EDEM3: variants seen among roughly 807,000 people sequenced by gnomAD.
The protein encoded by EDEM3 is ER degradation enhancing alpha-mannosidase like protein 3.
Under a neutral mutation model 110.2 loss-of-function variants are expected in EDEM3, and 60 were observed. The observed-to-expected ratio is 0.54, with a 90% CI of 0.44 to 0.67. The LOEUF (loss-of-function observed/expected upper bound fraction) is 0.67. Ranked by LOEUF, EDEM3 falls within the 30% of genes least tolerant of loss-of-function variation. The pLI is 0.00. For missense variants in EDEM3, 996 were observed against 1,121.0 expected (o/e 0.89, Z 1.59); for synonymous variants, 352 against 382.9 (o/e 0.92, Z 0.94).
rs1649041248 is a variant in EDEM3, at chr1:184,691,041, A to T, written c.*3022T>A. 1 of 152,534 alleles carries T rather than the reference A, an allele frequency of 6.6e-6. No homozygotes were observed. The highest frequency in any genetic ancestry group is 1.5e-5 in the Non-Finnish European group (1 of 67,976). 9.4% of individuals were successfully genotyped at this position (152,534 alleles called of 1,614,324 possible). A position where few individuals can be genotyped will look rare whatever the true frequency, so the allele number is the denominator to read the frequency against. On this transcript the variant is annotated 3_prime_UTR_variant, in exon 20 of 20. Transcript: ENST00000318130. ...TCTTGAGAGAGTAATTACATTAGTG[A>T]AGTTAAAATCAGAAAGTGTACAATT...
intron 6 of EDEM3, among the ~76,000 whole-genome samples, chr1:184,727,253 G>A (rs1025657626): frequency 1.3e-5 from 2 of 152,208 alleles, no homozygotes; most frequent in Non-Finnish European, 2.9e-5. Flanking sequence ...TAGCGCCACA[G>A]CACTCCAGCC....
Position 184,712,455 on chromosome 1 carries a change from T to C in EDEM3, c.1514A>G (p.Gln505Arg). The change falls in exon 14 of 20, where the codon CAA (glutamine) becomes CGA (arginine). Residue 505 changes from glutamine (Q) to arginine (R), a missense_variant. By Grantham distance (43) the Gln-to-Arg change is conservative. Coordinates refer to ENST00000318130, the MANE Select transcript of EDEM3 (RefSeq NM_025191.4). ...CACTGTGTTCTTTTTAGAGATGCTT[T>C]GATTTGTAGTAGAGAGCCAAAGAGG... ...LLPLWLSTTN[Q>R]SISKKNTTSE... 6.3e-7 allele frequency: 1 copy of C among 1,593,902 alleles called. No homozygotes were observed. The highest frequency in any genetic ancestry group is 1.2e-5 in the South Asian group (1 of 85,692).
At chr1:184,721,448 A>G in intron 8 of EDEM3, 62 bp from the exon 9 acceptor site, 1 of 1,225,170 alleles carries the variant, frequency 8.2e-7, no homozygotes, top group Non-Finnish European at 1.2e-6. Context: ...TTTTTTTAAA[A>G]AAATAGCACT....
In EDEM3 at chr1:184,715,109, C is replaced by G. The variant is rs76098514; in HGVS notation, c.1370+1779G>C. On this transcript the variant is annotated intron_variant, in intron 13 of 19. Coordinates refer to ENST00000318130, the MANE Select transcript of EDEM3 (RefSeq NM_025191.4). ...TCAGCCTCATAGAACATTAGTGACCCTTTGCCTGAATACAGACAGTTATGG... is the reference window on the plus strand; with the variant it reads ...TCAGCCTCATAGAACATTAGTGACCGTTTGCCTGAATACAGACAGTTATGG... Among the ~76,000 whole-genome samples the G allele has an allele frequency of 2.9e-3, 439 of 152,258 alleles. 10 individuals are homozygous for G. In the East Asian group the frequency reaches 0.07, roughly 24 times the overall value.
intron 2 of EDEM3, among the ~76,000 whole-genome samples, chr1:184,741,787 C>G (rs1167525339): frequency 6.6e-6 from 1 of 152,004 alleles, no homozygotes; most frequent in Non-Finnish European, 1.5e-5. Context: ...TCTGATATTC[C>G]TGGGTTAGGC....
Position 184,737,637 on chromosome 1 carries a change from G to A in EDEM3, c.279C>T (p.Arg93=), listed in dbSNP as rs766444517. Residue 93 remains arginine (R), a synonymous_variant, in exon 3 of 20, where the codon CGC becomes CGT. Coordinates refer to ENST00000318130, the MANE Select transcript of EDEM3 (RefSeq NM_025191.4). The stretch of plus-strand genomic sequence containing the variant: ...TTCCCAAGGCATCATCAACGTCACC[G>A]CGACTTGGCTCTTGGCCTCTAACTC... ...RGRVRGQEPS[R]GDVDDALGKF... 36 of 1,613,804 alleles carry A rather than the reference G, an allele frequency of 2.2e-5. No individual in the cohort carries two copies. The highest frequency in any genetic ancestry group is 1.8e-4 in the South Asian group (16 of 91,080).
chr1:184,719,212 T>C lies in EDEM3; in HGVS notation c.1111A>G (p.Thr371Ala). ...LKGDIRPAIE[T>A]HEMLYQVIKK... ...ATCACCTGATATAACATTTCATGAGTTTCAATAGCAGGTCTAATATCCCCC... is the reference window on the plus strand; with the variant it reads ...ATCACCTGATATAACATTTCATGAGCTTCAATAGCAGGTCTAATATCCCCC... The change falls in exon 11 of 20, where the codon ACT becomes GCT. Residue 371 changes from threonine (T) to alanine (A), a missense_variant. This residue lies in a region of EDEM3 where 310 missense variants were observed against 394.6 expected (regional missense o/e 0.79). Coordinates refer to ENST00000318130, the MANE Select transcript of EDEM3 (RefSeq NM_025191.4). 1 of 1,573,986 alleles carries C rather than the reference T, an allele frequency of 6.4e-7. No individual in the cohort carries two copies. The highest frequency in any genetic ancestry group is 8.6e-7 in the Non-Finnish European group (1 of 1,164,078).
At chr1:184,735,364 C>T (rs986430512) in intron 4 of EDEM3, among the ~76,000 whole-genome samples, 1 of 152,146 alleles carries the variant, frequency 6.6e-6, no homozygotes, top group Non-Finnish European at 1.5e-5. Flanking sequence ...ATTAACCATG[C>T]AGATCTAGAA....
intron 19 of EDEM3, among the ~76,000 whole-genome samples, chr1:184,696,671 C>G (rs2102053798): frequency 6.6e-6 from 1 of 152,030 alleles, no homozygotes; most frequent in East Asian, 1.9e-4. Context: ...TTTAATTAGG[C>G]AATTAGGGAA....
At chr1:184,754,405 C>T (rs1571439631) in intron 1 of EDEM3, 84 bp downstream of exon 1, 2 of 1,588,196 alleles carry the variant, frequency 1.3e-6, no homozygotes, top group East Asian at 2.3e-5. Context: ...GGAGAGGCCA[C>T]TACGCGACCG....
rs551352308 is a variant in EDEM3, at chr1:184,716,384, A to T, written c.1370+504T>A. On this transcript the variant is annotated intron_variant, in intron 13 of 19. Coordinates refer to ENST00000318130, the MANE Select transcript of EDEM3 (RefSeq NM_025191.4). ...ATGTGGAGCACTTTTTATAGCTTGAATACTTCATACCATCTACATCTATCC... is the reference window on the plus strand; with the variant it reads ...ATGTGGAGCACTTTTTATAGCTTGATTACTTCATACCATCTACATCTATCC... Among the ~76,000 whole-genome samples the T allele has an allele frequency of 4.6e-5, 7 of 152,298 alleles. No individual in the cohort carries two copies. In the South Asian group the frequency reaches 1.2e-3, roughly 27 times the overall value.
rs12070538 is a variant in EDEM3 at position 184,711,922 on chromosome 1, C to T, written c.1537-45G>A. On this transcript the variant is annotated intron_variant, in intron 14 of 19. Coordinates refer to ENST00000318130, the MANE Select transcript of EDEM3 (RefSeq NM_025191.4). ...TATGTAAACAGAAATAATTATTTTACTTAACATAATTTTTTTTTTTTTGAA... is the reference window on the plus strand; with the variant it reads ...TATGTAAACAGAAATAATTATTTTATTTAACATAATTTTTTTTTTTTTGAA... 5.4e-6 allele frequency: 8 copies of T among 1,495,180 alleles called. No homozygotes were observed. In the African/African-American group the frequency reaches 5.8e-5, roughly 11 times the overall value. 92.6% of individuals were successfully genotyped at this position (1,495,180 alleles called of 1,614,324 possible).
chr1:184,711,167 T>C (rs1650208631), intron 15 of EDEM3, among the ~76,000 whole-genome samples: 1 of 152,104 alleles, frequency 6.6e-6, no homozygotes, highest in South Asian at 2.1e-4. Flanking sequence ...GGCGTGATCT[T>C]GGCTCACCGC....
At chr1:184,750,137 T>C (rs1223671303) in intron 1 of EDEM3, among the ~76,000 whole-genome samples, 1 of 152,246 alleles carries the variant, frequency 6.6e-6, no homozygotes, top group Non-Finnish European at 1.5e-5. Context: ...AAGTACATAT[T>C]TATTAATGTT....
At position 184,735,131 on chromosome 1, in the gene EDEM3, G is replaced by T. The variant is rs371826233; in HGVS notation, c.346-488C>A. 2.6e-5 allele frequency among the ~76,000 whole-genome samples: 4 copies of T among 152,278 alleles called. No individual in the cohort carries two copies. In the South Asian group the frequency reaches 6.2e-4, roughly 24 times the overall value. On this transcript the variant is annotated intron_variant, in intron 4 of 19. Transcript: ENST00000318130. ...CTGTTCACTAAGGAGGCTATACAAT[G>T]TTGTGGTCATACAATGTTGTGGTCA...
intron 6 of EDEM3, among the ~76,000 whole-genome samples, chr1:184,730,316 TCAC>T (rs1396625002): frequency 6.6e-6 from 1 of 152,182 alleles, no homozygotes; most frequent in South Asian, 2.1e-4. Flanking sequence ...GCATGATGGC[TCAC>T]ATCTGTGAGT....
chr1:184,732,118 G>A (rs1303636737), intron 6 of EDEM3, among the ~76,000 whole-genome samples: 1 of 152,108 alleles, frequency 6.6e-6, no homozygotes, highest in Non-Finnish European at 1.5e-5. Context: ...AGAGGTTGCA[G>A]TGAGCCGAGA....
intron 18 of EDEM3, among the ~76,000 whole-genome samples, chr1:184,705,816 T>C (rs1649891675): frequency 6.6e-6 from 1 of 152,136 alleles, no homozygotes; most frequent in African/African-American, 2.4e-5. Context: ...CCTATTTACT[T>C]TAAAACAGAA....
At chr1:184,707,203 A>T (rs1344500668) in intron 17 of EDEM3, among the ~76,000 whole-genome samples, 1 of 152,200 alleles carries the variant, frequency 6.6e-6, no homozygotes, top group Non-Finnish European at 1.5e-5. Flanking sequence ...TACATTTACA[A>T]TAGCTGGGAA....
Sources: gnomAD v4.1 joint callset for allele counts (sites outside exome capture counted in the v4.1 genomes callset) on GRCh38, gnomAD v4.1.1 for gene constraint, gnomAD v4.1.1 regional missense constraint, MANE v1.5 for transcripts, NCBI Gene and HGNC (gene_info 2026-07-23, HGNC 2026-07-21) for gene names.